Variants in ABCA4 observed in about 807,000 individuals in gnomAD.
ABCA4 encodes ATP binding cassette subfamily A member 4, also known as retinal-specific phospholipid-transporting ATPase ABCA4.
Under a neutral mutation model 263.7 loss-of-function variants are expected in ABCA4, and 196 were observed. The ratio of observed to expected loss-of-function variants is 0.74; its 90% CI spans 0.66 to 0.84. The LOEUF is 0.84. Among genes scored for constraint, ABCA4 ranks in the 40% least tolerant of loss-of-function variants. The pLI is 0.00. For synonymous variants in ABCA4, 1,133 were observed against 1,094.2 expected (o/e 1.04, Z -0.70); for missense variants, 2,792 against 2,855.1 (o/e 0.98, Z 0.50).
chr1:94,061,523 A>T (rs1390563482), intron 13 of ABCA4: 1 of 152,786 alleles, frequency 6.5e-6, no homozygotes, highest in East Asian at 1.9e-4. Context: ...AAAGGGCCCA[A>T]TTCCAGCATG....
intron 31 of ABCA4, among the ~76,000 whole-genome samples, chr1:94,024,354 C>A (rs1328257433): frequency 3.3e-5 from 5 of 152,174 alleles, no homozygotes; most frequent in Non-Finnish European, 5.9e-5. Flanking sequence ...ATAAGAACAG[C>A]TGGAGAGCCA....
chr1:94,061,200 G>A (rs1310671181), intron 13 of ABCA4, among the ~76,000 whole-genome samples: 1 of 152,160 alleles, frequency 6.6e-6, no homozygotes, highest in African/African-American at 2.4e-5. Flanking sequence ...TCCCCAAGGG[G>A]TCAGCCGCCC....
chr1:94,015,810 G>A lies in ABCA4; in HGVS notation c.5241C>T (p.Ile1747=), dbSNP rs548431469. 2.5e-4 allele frequency: 411 copies of A among 1,613,910 alleles called. No homozygotes were observed. In the South Asian group the frequency reaches 3.6e-3, roughly 14 times the overall value. ...VSAGLVVGIF[I]GFQKKAYTSP... ...AAGTGTAGGCTTTCTTCTGAAACCC[G>A]ATGAAGATGCCCACCACCAGCCCAG... Residue 1747 remains isoleucine, a synonymous_variant, in exon 37 of 50, where the codon ATC becomes ATT. Transcript: ENST00000370225.
At chr1:94,059,319 T>TAA (rs1661057499) in intron 14 of ABCA4, 1 of 152,210 alleles carries the variant, frequency 6.6e-6, no homozygotes, top group Non-Finnish European at 1.5e-5. Flanking sequence ...TTTGGTGCCC[T>TAA]TTGCAAATGT....
chr1:93,993,386 G>A (rs1658921213), intron 49 of ABCA4, 144 bp from the exon 50 acceptor site: 1 of 998,046 alleles, frequency 1.0e-6, no homozygotes, highest in Admixed American at 1.9e-5. Flanking sequence ...AGATCACCCA[G>A]GTTATGGGCC....
intron 28 of ABCA4, 65 bp from the exon 29 acceptor site, chr1:94,030,591 C>T: frequency 2.1e-6 from 3 of 1,440,976 alleles, no homozygotes; most frequent in Non-Finnish European, 9.8e-7. Flanking sequence ...CAACTCAGAG[C>T]CTTTACTGGA....
At chr1:94,028,380 G>A (rs1281218788) in intron 30 of ABCA4, among the ~76,000 whole-genome samples, 1 of 152,138 alleles carries the variant, frequency 6.6e-6, no homozygotes, top group Non-Finnish European at 1.5e-5. Context: ...TCCCAGGACA[G>A]GGTGCTGCTC....
chr1:94,071,893 C>T (rs1661407927), intron 11 of ABCA4, among the ~76,000 whole-genome samples: 1 of 152,184 alleles, frequency 6.6e-6, no homozygotes, highest in African/African-American at 2.4e-5. Context: ...CTTCTGTGCT[C>T]TTTCTCACGA....
intron 1 of ABCA4, 85 bp downstream of exon 1, chr1:94,120,895 A>AACC: frequency 2.0e-5 from 3 of 152,642 alleles, no homozygotes; most frequent in African/African-American, 1.2e-4. Context: ...CTGCCCCACC[A>AACC]CCCTACCCCA....
intron 19 of ABCA4, chr1:94,046,113 C>T (rs1018193818): frequency 7.7e-5 from 28 of 363,130 alleles, no homozygotes; most frequent in Middle Eastern, 9.8e-4. Flanking sequence ...TTGAAGCCTG[C>T]CTAATGATTG....
chr1:94,001,064 C>T lies in ABCA4; in HGVS notation c.6324G>A (p.Met2108Ile). Reference protein sequence around the residue: ...TTGMDPQARRMLWNVIVSIIR... With the variant: ...TTGMDPQARRILWNVIVSIIR... ...TGATGCTCACGATGACGTTCCACAG[C>T]ATGCGGCGTGCCTGGGGGTCCATCC... The change falls in exon 46 of 50, where the codon ATG becomes ATA. Residue 2108 changes from methionine (M) to isoleucine (I), a missense_variant. Coordinates refer to ENST00000370225, the MANE Select transcript of ABCA4 (RefSeq NM_000350.3). 6.2e-7 allele frequency: 1 copy of T among 1,614,164 alleles called. No homozygotes were observed. The highest frequency in any genetic ancestry group is 8.5e-7 in the Non-Finnish European group (1 of 1,180,044).
intron 31 of ABCA4, 73 bp from the exon 32 acceptor site, chr1:94,023,491 T>C (rs1659956669): frequency 1.5e-6 from 2 of 1,323,896 alleles, no homozygotes; most frequent in Non-Finnish European, 1.1e-6. Flanking sequence ...TTCCCAAACA[T>C]TCATTTTGAA....
intron 14 of ABCA4, among the ~76,000 whole-genome samples, chr1:94,060,089 C>T (rs1661078274): frequency 6.6e-6 from 1 of 152,206 alleles, no homozygotes; most frequent in Admixed American, 6.5e-5. Context: ...TAATCCAGAT[C>T]TCCTCCCCTA....
chr1:94,039,904 C>G (rs918701141), intron 24 of ABCA4, 139 bp downstream of exon 24: 1 of 765,792 alleles, frequency 1.3e-6, no homozygotes, highest in Admixed American at 2.0e-5. Flanking sequence ...AAGCTCAAAG[C>G]AAAAGAACAA....
rs1659841511 is a variant in ABCA4 at position 94,019,658 on chromosome 1, T to C, written c.5120A>G (p.Asn1707Ser). The C allele has an allele frequency of 6.2e-7, 1 of 1,613,220 alleles. No individual in the cohort carries two copies. Among genetic ancestry groups the C allele is most frequent in the African/African-American group, 1.3e-5 (1 of 74,912 alleles). ...GATAAACTGGAGGTGCTTGGATTTG[T>C]TCACCCGCTCCTGGATCAAATAAAG... Reference protein sequence around the residue: ...FVLYLIQERVNKSKHLQFISG... With the variant: ...FVLYLIQERVSKSKHLQFISG... The change falls in exon 36 of 50, where the codon AAC becomes AGC. Residue 1707 changes from asparagine (N) to serine (S), a missense_variant. By Grantham distance (46) the Asn-to-Ser change is conservative (BLOSUM62 1). Coordinates refer to ENST00000370225, the MANE Select transcript of ABCA4 (RefSeq NM_000350.3).
At chr1:94,094,364 T>C (rs886380463) in intron 6 of ABCA4, among the ~76,000 whole-genome samples, 11 of 151,998 alleles carry the variant, frequency 7.2e-5, no homozygotes, top group African/African-American at 2.7e-4. Flanking sequence ...AACCCCAAGA[T>C]TGGGCCCTTT....
intron 6 of ABCA4, among the ~76,000 whole-genome samples, chr1:94,087,648 C>G (rs1381297536): frequency 6.6e-6 from 1 of 152,198 alleles, no homozygotes; most frequent in Admixed American, 6.5e-5. Flanking sequence ...GCCTGGGGGT[C>G]TTGAGGAAAC....
At position 94,079,394 on chromosome 1, in the gene ABCA4, C is replaced by T. The variant is rs372704965; in HGVS notation, c.1167G>A (p.Ala389=). 31 of 1,614,056 alleles carry T rather than the reference C, an allele frequency of 1.9e-5. No homozygotes were observed. The highest frequency in any genetic ancestry group is 1.4e-4 in the South Asian group (13 of 91,080). The stretch of plus-strand genomic sequence containing the variant: ...TTTTTCCCATCAGCAAAGGCTTTGC[C>T]GCCCTCCAAGCGATTTTGGTTAAAG... ...SNPLTKIAWR[A]AKPLLMGKIL... The change falls in exon 9 of 50, where the codon GCG becomes GCA. Residue 389 remains alanine, a synonymous_variant. Coordinates refer to ENST00000370225, the MANE Select transcript of ABCA4 (RefSeq NM_000350.3).
intron 4 of ABCA4, among the ~76,000 whole-genome samples, chr1:94,103,798 G>A (rs1662348852): frequency 6.6e-6 from 1 of 152,190 alleles, no homozygotes; most frequent in African/African-American, 2.4e-5. Context: ...GCCATTAAGG[G>A]CAGGAAAAGC....
Sources: gnomAD v4.1 joint callset for allele counts (sites outside exome capture counted in the v4.1 genomes callset) on GRCh38, gnomAD v4.1.1 for gene constraint, MANE v1.5 for transcripts, NCBI Gene and HGNC (gene_info 2026-07-23, HGNC 2026-07-21) for gene names.